Variants in RUNX1T1 observed in about 807,000 individuals in gnomAD.
RUNX1T1 encodes the protein protein CBFA2T1.
A neutral mutation model predicts 62.8 loss-of-function variants in RUNX1T1; 4 were observed. The observed-to-expected ratio is 0.06, with a 90% CI of 0.03 to 0.15. The LOEUF is 0.15. Ranked by LOEUF, RUNX1T1 falls within the 10% of genes least tolerant of loss-of-function variation. RUNX1T1 has a pLI of 1.00. For missense variants in RUNX1T1, 508 were observed against 754.3 expected, an observed-to-expected ratio of 0.67 and a Z score of 3.82; for synonymous variants, 291 against 286.0, an observed-to-expected ratio of 1.02 and a Z score of -0.18.
At chr8:92,003,498 C>T (rs537858534) in intron 5 of RUNX1T1, 47 of 416,908 alleles carry the variant, frequency 1.1e-4, no homozygotes, top group Non-Finnish European at 2.0e-4. Flanking sequence ...AGGATCATCT[C>T]TACATTTATC....
chr8:92,034,429 C>A (rs912634248), intron 1 of RUNX1T1, among the ~76,000 whole-genome samples: 3 of 152,128 alleles, frequency 2.0e-5, no homozygotes, highest in African/African-American at 7.2e-5. Context: ...AAAGTTGAGG[C>A]CTCTGGAAGG....
rs67366711 is a variant in RUNX1T1 at position 91,981,404 on chromosome 8, C to CTT, written c.1198+4718_1198+4719dup. On this transcript the variant is annotated intron_variant, in intron 8 of 10. Transcript: ENST00000396218. ...TTCAACAAACTCCTAAGTTACTAAG[C>CTT]TTTTTTTTTTTTTTTTTTTTTTTTT... 6.3e-3 allele frequency among the ~76,000 whole-genome samples: 404 copies of CTT among 63,884 alleles called. 107 individuals carry two copies. Among genetic ancestry groups the CTT allele is most frequent in the East Asian group, 0.024 (47 of 1,972 alleles). The allele number at this position is 63,884 out of a possible 152,430, so 41.9% of individuals were successfully genotyped here. A position where few individuals can be genotyped will look rare whatever the true frequency, so the allele number is the denominator to read the frequency against.
At chr8:92,044,835 AACC>A (rs2130229125) in intron 1 of RUNX1T1, among the ~76,000 whole-genome samples, 1 of 152,334 alleles carries the variant, frequency 6.6e-6, no homozygotes, top group Non-Finnish European at 1.5e-5. Context: ...CCAACTTCTT[AACC>A]ACTATATTAC....
chr8:92,049,525 T>C (rs563299282), intron 1 of RUNX1T1, among the ~76,000 whole-genome samples: 1 of 152,202 alleles, frequency 6.6e-6, no homozygotes, highest in African/African-American at 2.4e-5. Flanking sequence ...ATTTCAAGAA[T>C]CTCATAAGTG....
At chr8:91,977,501 T>G (rs1174690890) in intron 8 of RUNX1T1, 1 of 191,324 alleles carries the variant, frequency 5.2e-6, no homozygotes, top group Non-Finnish European at 1.1e-5. Context: ...ATACAGCTAA[T>G]TAGATTTATC....
At chr8:92,092,066 T>C (rs1837108751) in intron 1 of RUNX1T1, among the ~76,000 whole-genome samples, 1 of 152,168 alleles carries the variant, frequency 6.6e-6, no homozygotes, top group Non-Finnish European at 1.5e-5. Context: ...GACAAATTAC[T>C]ATAGCCACAA....
chr8:92,042,381 A>G (rs1227142424), intron 1 of RUNX1T1, among the ~76,000 whole-genome samples: 1 of 152,162 alleles, frequency 6.6e-6, no homozygotes. Context: ...TGGTGTCATC[A>G]TGGCTCACTG....
intron 10 of RUNX1T1, among the ~76,000 whole-genome samples, chr8:91,964,921 C>CACTT (rs1195857964): frequency 6.6e-6 from 1 of 152,148 alleles, no homozygotes; most frequent in Admixed American, 6.5e-5. Flanking sequence ...AACCACAAGC[C>CACTT]ACTTACTTAA....
At chr8:92,089,555 G>A (rs1836653159) in intron 1 of RUNX1T1, among the ~76,000 whole-genome samples, 1 of 151,928 alleles carries the variant, frequency 6.6e-6, no homozygotes, top group African/African-American at 2.4e-5. Context: ...CTAAACACAA[G>A]CAACCCCATC....
chr8:91,991,292 C>A (rs1586860135), intron 6 of RUNX1T1, among the ~76,000 whole-genome samples: 1 of 152,060 alleles, frequency 6.6e-6, no homozygotes, highest in Non-Finnish European at 1.5e-5. Context: ...TTGTGGCAGG[C>A]AGACTGCATA....
intron 1 of RUNX1T1, among the ~76,000 whole-genome samples, chr8:92,040,547 A>G (rs1357067308): frequency 2.6e-5 from 4 of 152,216 alleles, no homozygotes; most frequent in Non-Finnish European, 5.9e-5. Context: ...AGTTTTAAAA[A>G]AACAAAAAAG....
chr8:91,989,147 T>C (rs773396012), intron 6 of RUNX1T1, among the ~76,000 whole-genome samples: 1 of 152,214 alleles, frequency 6.6e-6, no homozygotes, highest in East Asian at 1.9e-4. Flanking sequence ...GATAAAACTC[T>C]AAGCTTACTT....
At chr8:92,098,605 A>G (rs1837894565) in intron 1 of RUNX1T1, among the ~76,000 whole-genome samples, 1 of 152,208 alleles carries the variant, frequency 6.6e-6, no homozygotes, top group South Asian at 2.1e-4. Flanking sequence ...AGGTTAATGC[A>G]GCAGAATTGT....
At chr8:92,095,537 T>C in intron 1 of RUNX1T1, 1 of 1,483,864 alleles carries the variant, frequency 6.7e-7, no homozygotes, top group East Asian at 2.5e-5. Flanking sequence ...GTGATTACAA[T>C]ATCAGCAGGG....
chr8:92,077,808 C>A (rs1419071793), intron 1 of RUNX1T1, among the ~76,000 whole-genome samples: 3 of 152,100 alleles, frequency 2.0e-5, no homozygotes, highest in Non-Finnish European at 4.4e-5. Context: ...TATCTTCCTT[C>A]TCATGACTGC....
chr8:92,030,905 A>C (rs1563800509), intron 1 of RUNX1T1, among the ~76,000 whole-genome samples: 1 of 152,158 alleles, frequency 6.6e-6, no homozygotes, highest in Non-Finnish European at 1.5e-5. Context: ...CCATATCTCC[A>C]AGGAAGGATA....
chr8:92,026,752 G>A (rs1825240090), intron 1 of RUNX1T1, among the ~76,000 whole-genome samples: 1 of 151,880 alleles, frequency 6.6e-6, no homozygotes, highest in Non-Finnish European at 1.5e-5. Context: ...AACCCGTGAG[G>A]TGGAGCTTGC....
chr8:92,014,220 T>C (rs774743493), intron 3 of RUNX1T1, among the ~76,000 whole-genome samples: 8 of 152,182 alleles, frequency 5.3e-5, no homozygotes, highest in South Asian at 4.1e-4. Context: ...TTTGTCATCA[T>C]TGAAAACCAC....
intron 1 of RUNX1T1, among the ~76,000 whole-genome samples, chr8:92,059,931 A>G (rs1242259183): frequency 2.0e-5 from 3 of 152,192 alleles, no homozygotes; most frequent in Non-Finnish European, 4.4e-5. Context: ...TAAAAGAAAA[A>G]GCACTATTTC....
Sources: allele counts gnomAD v4.1 joint callset (sites outside exome capture counted in the v4.1 genomes callset), GRCh38; gene constraint gnomAD v4.1.1; transcripts MANE v1.5; gene names NCBI Gene and HGNC (gene_info 2026-07-23, HGNC 2026-07-21).